PFKL: variants seen among roughly 807,000 people sequenced by gnomAD.
PFKL encodes the protein phosphofructokinase, liver type.
PFKL carries 74 observed loss-of-function variants against 92.1 expected under a neutral mutation model. The ratio of observed to expected loss-of-function variants is 0.80; its 90% CI spans 0.67 to 0.97. PFKL has a LOEUF of 0.97. Ranked by LOEUF, PFKL falls within the 50% of genes least tolerant of loss-of-function variation. PFKL has a pLI of 0.00. For missense variants in PFKL, 1,028 were observed against 1,116.6 expected (o/e 0.92, Z 1.13); for synonymous variants, 494 against 456.4 (o/e 1.08, Z -1.05).
rs374284583 is a variant in PFKL at position 44,322,147 on chromosome 21, C to T, written c.1353C>T (p.Gly451=). The part of the protein sequence containing the change: ...GLAKGQVQEV[G]WHDVAGWLGR... ...CCTCCTGGCAGGTGCAAGAAGTAGG[C>T]TGGCACGACGTGGCCGGCTGGTTGG... Residue 451 remains glycine, a synonymous_variant, in exon 14 of 22, where the codon GGC becomes GGT. Transcript: ENST00000349048. The T allele has an allele frequency of 6.7e-5, 107 of 1,606,088 alleles. No homozygotes were observed. In the Middle Eastern group the frequency reaches 1.2e-3, roughly 17 times the overall value.
chr21:44,322,138 A>T lies in PFKL; in HGVS notation c.1344A>T (p.Gln448His), dbSNP rs1602049159. ...GCTGCATCTCCTCCTGGCAGGTGCAAGAAGTAGGCTGGCACGACGTGGCCG... is the reference window on the plus strand; with the variant it reads ...GCTGCATCTCCTCCTGGCAGGTGCATGAAGTAGGCTGGCACGACGTGGCCG... ...GFEGLAKGQV[Q>H]EVGWHDVAGW... The change falls in exon 14 of 22, where the codon CAA becomes CAT. Residue 448 changes from glutamine to histidine, a missense_variant. Gln to His is a conservative substitution (Grantham distance 24, BLOSUM62 0). Coordinates refer to ENST00000349048, the MANE Select transcript of PFKL (RefSeq NM_002626.6). 6.2e-7 allele frequency: 1 copy of T among 1,605,802 alleles called. No individual in the cohort carries two copies. The highest frequency in any genetic ancestry group is 2.2e-5 in the East Asian group (1 of 44,822).
intron 9 of PFKL, among the ~76,000 whole-genome samples, chr21:44,316,918 C>G (rs1191244363): frequency 6.6e-6 from 1 of 152,202 alleles, no homozygotes; most frequent in Non-Finnish European, 1.5e-5. Flanking sequence ...CCCCCACCCT[C>G]TGCCAGCCCA....
At chr21:44,320,050 G>T (rs1418277236) in intron 11 of PFKL, 34 bp from the exon 12 acceptor site, 1 of 1,600,500 alleles carries the variant, frequency 6.2e-7, no homozygotes, top group Non-Finnish European at 8.6e-7. Context: ...TGGCGCTGCA[G>T]GGCTGTGCAT....
chr21:44,316,628 A>G (rs913196219), intron 9 of PFKL, 104 bp downstream of exon 9: 1 of 839,796 alleles, frequency 1.2e-6, no homozygotes, highest in Non-Finnish European at 1.9e-6. Flanking sequence ...CACTGTGTCC[A>G]TGTGGCTGTG....
chr21:44,324,679 G>A, intron 17 of PFKL, 24 bp downstream of exon 17: 1 of 1,567,012 alleles, frequency 6.4e-7, no homozygotes, highest in Non-Finnish European at 8.7e-7. Flanking sequence ...AGCCCCTGCT[G>A]CGGCAGACCT....
At chr21:44,324,419 G>A (rs889530972) in intron 16 of PFKL, 72 bp from the exon 17 acceptor site, 35 of 1,526,394 alleles carry the variant, frequency 2.3e-5, no homozygotes, top group Non-Finnish European at 3.1e-5. Flanking sequence ...GCTCCCTGCA[G>A]GGTAGCCATG....
rs377202503 is a variant in PFKL at position 44,315,188 on chromosome 21, C to T, written c.748-1056C>T. On this transcript the variant is annotated intron_variant, in intron 7 of 21. Transcript: ENST00000349048. The stretch of plus-strand genomic sequence containing the variant: ...AGGGACTTCCCGGGGGTTCCGGCTC[C>T]AGTGGTGACCTTGGCCTTAGCTTAT... 7 of 152,416 alleles carry T rather than the reference C, an allele frequency of 4.6e-5. No homozygotes were observed. The East Asian group carries it at 1.4e-3, about 29-fold the overall frequency. 9.4% of individuals were successfully genotyped at this position (152,416 alleles called of 1,614,324 possible).
In PFKL at chr21:44,313,012, G is replaced by C. The variant is rs142196118; in HGVS notation, c.462G>C (p.Ser154=). The change falls in exon 5 of 22, where the codon TCG becomes TCC. Residue 154 remains serine, a synonymous_variant. Coordinates refer to ENST00000349048, the MANE Select transcript of PFKL (RefSeq NM_002626.6). The part of the protein sequence containing the change: ...KISETTARTY[S]HLNIAGLVGS... ...CAGAGACTACAGCCCGGACCTACTC[G>C]CACCTGAACATCGCGGGCCTAGTGG... 1.2e-6 allele frequency: 2 copies of C among 1,613,064 alleles called. No homozygotes were observed. Among genetic ancestry groups the C allele is most frequent in the Non-Finnish European group, 1.7e-6 (2 of 1,179,908 alleles).
intron 1 of PFKL, 54 bp from the exon 2 acceptor site, chr21:44,306,627 T>C: frequency 7.1e-7 from 1 of 1,417,324 alleles, no homozygotes; most frequent in Non-Finnish European, 9.8e-7. Context: ...GGGGAGGGTG[T>C]CCAGGGCCTT....
intron 1 of PFKL, among the ~76,000 whole-genome samples, chr21:44,306,205 C>G (rs1420233213): frequency 6.6e-6 from 1 of 152,210 alleles, no homozygotes; most frequent in African/African-American, 2.4e-5. Flanking sequence ...AGGCCTGGCC[C>G]CGTGGCCTGT....
Position 44,312,311 on chromosome 21 carries a change from C to A in PFKL, c.427+17C>A, listed in dbSNP as rs368994392. 2 of 1,570,736 alleles carry A rather than the reference C, an allele frequency of 1.3e-6. No individual in the cohort carries two copies. The highest frequency in any genetic ancestry group is 1.7e-6 in the Non-Finnish European group (2 of 1,161,366). ...TGGCGGAAGGTGGGTCTGTGCCCGG[C>A]GCACTGTAGGCCCTGGGGTTTTGTT... On this transcript the variant is annotated intron_variant, in intron 4 of 21. Transcript: ENST00000349048.
intron 15 of PFKL, 118 bp downstream of exon 15, chr21:44,323,167 G>T (rs1365540878): frequency 3.6e-6 from 3 of 826,716 alleles, no homozygotes; most frequent in African/African-American, 1.7e-5. Context: ...GGGGCCGAGA[G>T]GGTCGGGGTT....
chr21:44,327,117 G>A lies in PFKL; in HGVS notation c.*255G>A. ...ATCCACCTTCCTGCCCAGGGGACGT[G>A]GCGCTGTCGGTGTTTGGAGGCTGCT... On this transcript the variant is annotated 3_prime_UTR_variant, in exon 22 of 22. Transcript: ENST00000349048. 1.9e-6 allele frequency: 1 copy of A among 540,488 alleles called. No homozygotes were observed. Among genetic ancestry groups the A allele is most frequent in the South Asian group, 2.2e-5 (1 of 45,674 alleles). The allele number at this position is 540,488 out of a possible 1,614,324, so 33.5% of individuals were successfully genotyped here.
intron 9 of PFKL, among the ~76,000 whole-genome samples, chr21:44,317,956 C>T (rs1260539362): frequency 6.6e-6 from 1 of 152,262 alleles, no homozygotes; most frequent in Non-Finnish European, 1.5e-5. Context: ...GCCACGGCAA[C>T]CGCAGGCCTG....
Position 44,318,614 on chromosome 21 carries a change from C to A in PFKL, c.1062+19C>A, listed in dbSNP as rs376218883. On this transcript the variant is annotated intron_variant, in intron 10 of 21. Transcript: ENST00000349048. ...GCAGATGGTAAGCCCTGGGCCCCCC[C>A]CATCAGAACCGCCTGGCCCCTCTCC... 5 of 1,452,482 alleles carry A rather than the reference C, an allele frequency of 3.4e-6. No individual in the cohort carries two copies. The highest frequency in any genetic ancestry group is 4.6e-6 in the Non-Finnish European group (5 of 1,088,352). The allele number at this position is 1,452,482 out of a possible 1,614,324, so 90.0% of individuals were successfully genotyped here.
Position 44,319,386 on chromosome 21 carries a change from G to A in PFKL, c.1098G>A (p.Arg366=). The part of the protein sequence containing the change: ...KEVQKAMDDK[R]FDEATQLRGG... ...TGCAGAAAGCCATGGATGACAAGAG[G>A]TTTGACGAGGCCACCCAGCTCCGTG... The change falls in exon 11 of 22, where the codon AGG becomes AGA. Residue 366 remains arginine (R), a synonymous_variant. Transcript: ENST00000349048. The A allele has an allele frequency of 6.2e-7, 1 of 1,613,770 alleles. No homozygotes were observed. Among genetic ancestry groups the A allele is most frequent in the Non-Finnish European group, 8.5e-7 (1 of 1,179,924 alleles).
In PFKL at chr21:44,325,276, G is replaced by A. The variant is rs76758103; in HGVS notation, c.1989+12G>A. 6.5e-7 allele frequency: 1 copy of A among 1,549,672 alleles called. No homozygotes were observed. The highest frequency in any genetic ancestry group is 8.9e-7 in the Non-Finnish European group (1 of 1,122,286). ...GCCACCTGCAGCAGGTGTGGGGCAGGGGTGAGGCTCTGAGAGGCCTGCCCC... is the reference window on the plus strand; with the variant it reads ...GCCACCTGCAGCAGGTGTGGGGCAGAGGTGAGGCTCTGAGAGGCCTGCCCC... On this transcript the variant is annotated intron_variant, in intron 19 of 21. Coordinates refer to ENST00000349048, the MANE Select transcript of PFKL (RefSeq NM_002626.6).
Position 44,313,671 on chromosome 21 carries a change from C to A in PFKL, c.627C>A (p.Gly209=). 6.2e-7 allele frequency: 1 copy of A among 1,612,190 alleles called. No individual in the cohort carries two copies. The highest frequency in any genetic ancestry group is 8.5e-7 in the Non-Finnish European group (1 of 1,179,604). Residue 209 remains glycine (G), a synonymous_variant, in exon 6 of 22, where the codon GGC becomes GGA. Transcript: ENST00000349048. The stretch of plus-strand genomic sequence containing the variant: ...GGACCTTCGTGCTGGAAGTGATGGG[C>A]CGGCACTGCGGGTGAGGAGGGGCTT... The part of the protein sequence containing the change: ...HQRTFVLEVM[G]RHCGYLALVS...
Position 44,324,480 on chromosome 21 carries a change from T to A in PFKL, c.1651-11T>A. ...CACGTGGAGGACCCCCGACCCCCCC[T>A]TGTCCCCCAGAGCTGTGACCGCATC... On this transcript the variant is annotated splice_polypyrimidine_tract_variant and intron_variant, in intron 16 of 21. Coordinates refer to ENST00000349048, the MANE Select transcript of PFKL (RefSeq NM_002626.6). 6.2e-7 allele frequency: 1 copy of A among 1,612,592 alleles called. No homozygotes were observed. The highest frequency in any genetic ancestry group is 8.5e-7 in the Non-Finnish European group (1 of 1,179,536).
Sources: gnomAD v4.1 joint callset for allele counts (sites outside exome capture counted in the v4.1 genomes callset) on GRCh38, gnomAD v4.1.1 for gene constraint, MANE v1.5 for transcripts, NCBI Gene and HGNC (gene_info 2026-07-23, HGNC 2026-07-21) for gene names.